The following EYS variants were observed in gnomAD, a reference collection of about 807,000 sequenced individuals.
EYS encodes the protein EGF-like photoreceptor maintenance factor, also known as protein eyes shut homolog.
In EYS, 250 loss-of-function variants were observed where a neutral mutation model predicts 282.1. That is an observed-to-expected ratio of 0.89 (90% CI 0.80 to 0.98). The LOEUF (loss-of-function observed/expected upper bound fraction) is 0.98, where lower values mean the gene tolerates loss of function less well. Ranked by LOEUF, EYS falls within the 50% of genes least tolerant of loss-of-function variation. EYS has a pLI of 0.00. For synonymous variants in EYS, 1,355 were observed against 1,282.9 expected, an observed-to-expected ratio of 1.06 and a Z score of -1.20; for missense variants, 4,016 against 3,709.0, an observed-to-expected ratio of 1.08 and a Z score of -2.15.
At chr6:64,951,404 A>G (rs9445446) in intron 14 of EYS, among the ~76,000 whole-genome samples, 4,903 of 152,074 alleles carry the variant, frequency 0.032, 274 homozygotes, top group African/African-American at 0.11. Flanking sequence ...CCAGAAAAAT[A>G]AAAATAAAAA....
intron 13 of EYS, among the ~76,000 whole-genome samples, chr6:65,019,781 C>T (rs1772188766): frequency 1.3e-5 from 2 of 152,098 alleles, no homozygotes; most frequent in Non-Finnish European, 2.9e-5. Context: ...AAAGACATCC[C>T]TGAGACTGGG....
intron 12 of EYS, among the ~76,000 whole-genome samples, chr6:65,117,015 G>A (rs1015551139): frequency 1.3e-5 from 2 of 152,074 alleles, no homozygotes; most frequent in Non-Finnish European, 2.9e-5. Context: ...CTTTTGTCTT[G>A]AAGTTGTAGC....
intron 31 of EYS, among the ~76,000 whole-genome samples, chr6:64,157,943 A>T (rs1419891954): frequency 1.3e-5 from 2 of 152,150 alleles, no homozygotes; most frequent in African/African-American, 4.8e-5. Flanking sequence ...CAGACCCCAG[A>T]ATAGTAGATC....
At chr6:64,919,370 A>G (rs1038584877) in intron 15 of EYS, among the ~76,000 whole-genome samples, 38 of 149,106 alleles carry the variant, frequency 2.5e-4, no homozygotes, top group Non-Finnish European at 1.0e-4. Context: ...GGGTTTCACC[A>G]TGTTGGTCAG....
intron 22 of EYS, among the ~76,000 whole-genome samples, chr6:64,783,835 A>G (rs1445802685): frequency 6.6e-6 from 1 of 152,156 alleles, no homozygotes; most frequent in Non-Finnish European, 1.5e-5. Flanking sequence ...CCAAAAGTAG[A>G]TTCGAACTTT....
At chr6:64,176,853 T>C (rs935934052) in intron 31 of EYS, among the ~76,000 whole-genome samples, 17 of 152,100 alleles carry the variant, frequency 1.1e-4, no homozygotes, top group Admixed American at 9.8e-4. Context: ...TAAGGACCGT[T>C]ATTGAAAAAG....
chr6:65,105,254 C>T (rs1334282082), intron 12 of EYS, among the ~76,000 whole-genome samples: 3 of 151,546 alleles, frequency 2.0e-5, no homozygotes, highest in Non-Finnish European at 3.0e-5. Context: ...ATCAGCTTTG[C>T]CTCTACTGAA....
intron 8 of EYS, among the ~76,000 whole-genome samples, chr6:65,371,741 C>CTCTCTCTCTCTCTG (rs1335075948): frequency 3.3e-4 from 23 of 70,278 alleles, no homozygotes; most frequent in African/African-American, 1.4e-3. Context: ...CTCTCTCTCT[C>CTCTCTCTCTCTCTG]TGTGTGTGTG....
intron 12 of EYS, among the ~76,000 whole-genome samples, chr6:65,226,280 T>C (rs182409143): frequency 1.3e-4 from 20 of 152,000 alleles, no homozygotes; most frequent in Middle Eastern, 6.8e-3. Context: ...TATAAAACAT[T>C]TAAATATTTA....
rs564560662 is a variant in EYS at position 65,141,571 on chromosome 6, G to A, written c.2024-83844C>T. ...ATTCATGAATCTGAGTGTACCCTAA[G>A]TGGATAATTCTAAATAAATCCAAAC... On this transcript the variant is annotated intron_variant, in intron 12 of 42. Transcript: ENST00000503581. 5.3e-4 allele frequency among the ~76,000 whole-genome samples: 80 copies of A among 152,018 alleles called. 1 individual carries two copies. The highest frequency in any genetic ancestry group is 6.8e-3 in the Middle Eastern group (2 of 294).
intron 37 of EYS, among the ~76,000 whole-genome samples, chr6:63,799,458 C>A (rs138992524): frequency 6.6e-6 from 1 of 152,042 alleles, no homozygotes; most frequent in African/African-American, 2.4e-5. Flanking sequence ...CACTACAATC[C>A]GAATCAATCA....
chr6:65,558,932 T>C (rs1357778975), intron 2 of EYS, among the ~76,000 whole-genome samples: 3 of 152,220 alleles, frequency 2.0e-5, no homozygotes, highest in Non-Finnish European at 2.9e-5. Flanking sequence ...AAATGGAAGA[T>C]TTTAAACAAT....
chr6:64,727,357 T>A (rs1044424927), intron 22 of EYS, among the ~76,000 whole-genome samples: 1 of 152,196 alleles, frequency 6.6e-6, no homozygotes, highest in Non-Finnish European at 1.5e-5. Flanking sequence ...ACTTAAAAAA[T>A]TTATTAGACT....
chr6:65,536,994 G>C (rs978024182), intron 2 of EYS, among the ~76,000 whole-genome samples: 4 of 152,178 alleles, frequency 2.6e-5, no homozygotes, highest in Non-Finnish European at 5.9e-5. Context: ...GTGTATTGAT[G>C]TATGTAGCCA....
intron 12 of EYS, among the ~76,000 whole-genome samples, chr6:65,203,402 C>A (rs1362930808): frequency 4.6e-5 from 7 of 152,074 alleles, no homozygotes; most frequent in Non-Finnish European, 8.8e-5. Context: ...ACATACACAG[C>A]ATATTGCTAC....
intron 13 of EYS, among the ~76,000 whole-genome samples, chr6:65,045,622 G>A (rs183168150): frequency 2.7e-4 from 41 of 151,964 alleles, no homozygotes; most frequent in African/African-American, 8.7e-4. Context: ...GAGGAAGTGA[G>A]CTGGTACCAG....
chr6:64,862,389 C>T (rs1207729382), intron 19 of EYS, among the ~76,000 whole-genome samples: 1 of 151,920 alleles, frequency 6.6e-6, no homozygotes, highest in African/African-American at 2.4e-5. Context: ...GTTGTTGTTT[C>T]AATGATTATG....
At chr6:65,063,621 G>T (rs966520321) in intron 12 of EYS, among the ~76,000 whole-genome samples, 1 of 152,072 alleles carries the variant, frequency 6.6e-6, no homozygotes, top group African/African-American at 2.4e-5. Context: ...TTTCACCAAT[G>T]ATGTAATTAA....
chr6:64,733,740 G>T, intron 22 of EYS: 1 of 162,018 alleles, frequency 6.2e-6, no homozygotes, highest in South Asian at 1.8e-4. Context: ...CAGGTCTCCT[G>T]GCCAGCAGTA....
Sources: allele counts gnomAD v4.1 joint callset (sites outside exome capture counted in the v4.1 genomes callset), GRCh38; gene constraint gnomAD v4.1.1; transcripts MANE v1.5; gene names NCBI Gene and HGNC (gene_info 2026-07-23, HGNC 2026-07-21).